The following FAM234A variants were observed in gnomAD, a reference collection of about 807,000 sequenced individuals.
FAM234A encodes the protein family with sequence similarity 234 member A.
A neutral mutation model predicts 49.1 loss-of-function variants in FAM234A; 42 were observed. That is an observed-to-expected ratio of 0.86 (90% CI 0.67 to 1.11). FAM234A has a LOEUF of 1.11. Ranked by LOEUF, FAM234A falls within the 50% of genes least tolerant of loss-of-function variation. The probability of loss-of-function intolerance (pLI) is 0.00; values close to 1 mark genes in which losing one functional copy is unlikely to be tolerated. For synonymous variants in FAM234A, 369 were observed against 316.2 expected, an observed-to-expected ratio of 1.17 and a Z score of -1.77; for missense variants, 815 against 745.2, an observed-to-expected ratio of 1.09 and a Z score of -1.09.
chr16:266,402 C>T (rs941011427), downstream of FAM234A, among the ~76,000 whole-genome samples: 11 of 152,176 alleles, frequency 7.2e-5, no homozygotes, highest in African/African-American at 1.9e-4. Context: ...GCCTCGGCAC[C>T]GCGTGACGTC....
In FAM234A at chr16:265,091, T is replaced by G; in HGVS notation, c.*69T>G. On this transcript the variant is annotated 3_prime_UTR_variant, in exon 13 of 13. Coordinates refer to ENST00000399932, the MANE Select transcript of FAM234A (RefSeq NM_032039.4). ...ACTAAACGTCCTGGGAAGTGGGCCC[T>G]TCCCTGGGTCTCTGCACTGACTCCC... 6.6e-7 allele frequency: 1 copy of G among 1,525,238 alleles called. No individual in the cohort carries two copies. The highest frequency in any genetic ancestry group is 8.8e-7 in the Non-Finnish European group (1 of 1,137,632). The allele number at this position is 1,525,238 out of a possible 1,614,324, so 94.5% of individuals were successfully genotyped here.
intron 1 of FAM234A, among the ~76,000 whole-genome samples, chr16:236,598 C>T (rs1269017462): frequency 6.9e-6 from 1 of 145,762 alleles, no homozygotes; most frequent in South Asian, 2.2e-4. Context: ...GCTCTGGAGA[C>T]ATAGCGAGAC....
chr16:261,916 C>T (rs757565214), intron 6 of FAM234A, among the ~76,000 whole-genome samples, 177 bp from the exon 7 acceptor site: 6 of 152,188 alleles, frequency 3.9e-5, no homozygotes, highest in Non-Finnish European at 5.9e-5. Context: ...GCCTGTGGGC[C>T]CCTTACCCTT....
intron 6 of FAM234A, among the ~76,000 whole-genome samples, chr16:261,840 A>C (rs2051479568): frequency 6.6e-6 from 1 of 152,200 alleles, no homozygotes; most frequent in Non-Finnish European, 1.5e-5. Flanking sequence ...TGCCCCGTGC[A>C]GTGTGGAGGC....
At chr16:260,233 C>T in intron 5 of FAM234A, 73 bp downstream of exon 5, 2 of 1,391,290 alleles carry the variant, frequency 1.4e-6, no homozygotes, top group South Asian at 2.4e-5. Flanking sequence ...GGGCTAATGC[C>T]AGGAGGCCGC....
intron 2 of FAM234A, among the ~76,000 whole-genome samples, chr16:250,685 A>T: frequency 6.6e-6 from 1 of 152,004 alleles, no homozygotes; most frequent in East Asian, 1.9e-4. Flanking sequence ...TCATCATCCC[A>T]CAAAGAAACC....
chr16:254,816 C>G (rs2051167603), intron 3 of FAM234A, 135 bp downstream of exon 3: 4 of 880,640 alleles, frequency 4.5e-6, no homozygotes, highest in East Asian at 4.9e-5. Context: ...GCTGCCAGTT[C>G]TATGTCCAAG....
At chr16:259,776 C>G (rs948133452) in intron 4 of FAM234A, among the ~76,000 whole-genome samples, 177 bp downstream of exon 4, 2 of 152,176 alleles carry the variant, frequency 1.3e-5, no homozygotes, top group African/African-American at 4.8e-5. Flanking sequence ...CCAGCACTGC[C>G]CTGGCCCCTG....
In FAM234A at chr16:264,577, T is replaced by C. The variant is rs747240130; in HGVS notation, c.1345-37T>C. 3 of 1,391,614 alleles carry C rather than the reference T, an allele frequency of 2.2e-6. No homozygotes were observed. The African/African-American group carries it at 4.3e-5, about 20-fold the overall frequency. 86.2% of individuals were successfully genotyped at this position (1,391,614 alleles called of 1,614,324 possible). A position where few individuals can be genotyped will look rare whatever the true frequency, so the allele number is the denominator to read the frequency against. ...AGCAGTGTCCTGTGGGAGTGCTCAG[T>C]GAAGGGCGTGGGGCCCATTGCTGGT... On this transcript the variant is annotated intron_variant, in intron 11 of 12. Transcript: ENST00000399932.
In FAM234A at chr16:261,507, G is replaced by T. The variant is rs73486203; in HGVS notation, c.701G>T (p.Arg234Leu). Reference sequence around the variant, plus strand: ...GACCTGCTGGTTCTCACCCAGGAGCGGGAGGAGGTACATCCCAGCCTGGCT... The same window carrying T: ...GACCTGCTGGTTCTCACCCAGGAGCTGGAGGAGGTACATCCCAGCCTGGCT... ...APDLLVLTQEREEVSGHLYSG... is the reference protein window; with the variant it reads ...APDLLVLTQELEEVSGHLYSG... Residue 234 changes from arginine (R) to leucine (L), a missense_variant, in exon 6 of 13, where the codon CGG becomes CTG. Transcript: ENST00000399932. 3 of 1,602,884 alleles carry T rather than the reference G, an allele frequency of 1.9e-6. No individual in the cohort carries two copies. Among genetic ancestry groups the T allele is most frequent in the Admixed American group, 1.7e-5 (1 of 58,564 alleles).
chr16:259,593 G>T lies in FAM234A; in HGVS notation c.379G>T (p.Asp127Tyr), dbSNP rs535395081. 1 of 1,587,014 alleles carries T rather than the reference G, an allele frequency of 6.3e-7. No homozygotes were observed. The highest frequency in any genetic ancestry group is 8.6e-7 in the Non-Finnish European group (1 of 1,156,578). The change falls in exon 4 of 13, where the codon GAC becomes TAC. Residue 127 changes from aspartate to tyrosine, a missense_variant. Asp to Tyr is a radical substitution (Grantham distance 160). Transcript: ENST00000399932. ...SSNNFSRSCV[D>Y]EGFSSPCTFA... ...CAACAATTTCAGCCGATCCTGTGTG[G>T]ACGAAGGTAATTTCATTTTATATGA...
At position 264,582 on chromosome 16, in the gene FAM234A, G is replaced by A; in HGVS notation, c.1345-32G>A. 2.8e-6 allele frequency: 4 copies of A among 1,433,224 alleles called. 1 individual carries two copies. The South Asian group carries it at 4.6e-5, about 16-fold the overall frequency. The allele number at this position is 1,433,224 out of a possible 1,614,324, so 88.8% of individuals were successfully genotyped here. A position where few individuals can be genotyped will look rare whatever the true frequency, so the allele number is the denominator to read the frequency against. ...TGTCCTGTGGGAGTGCTCAGTGAAG[G>A]GCGTGGGGCCCATTGCTGGTTCTCG... On this transcript the variant is annotated intron_variant, in intron 11 of 12. Transcript: ENST00000399932.
In FAM234A at chr16:260,123, C is replaced by T. The variant is rs2051399846; in HGVS notation, c.540C>T (p.Gly180=). 1.9e-6 allele frequency: 3 copies of T among 1,613,898 alleles called. No individual in the cohort carries two copies. The highest frequency in any genetic ancestry group is 2.5e-6 in the Non-Finnish European group (3 of 1,180,046). The change falls in exon 5 of 13, where the codon GGC becomes GGT. Residue 180 remains glycine, a synonymous_variant. Transcript: ENST00000399932. The part of the protein sequence containing the change: ...SEAPSACILV[G]RPSSFIAVNL... Reference sequence around the variant, plus strand: ...CACCTTCTGCCTGCATCCTGGTGGGCAGACCCAGTTCTTTCATTGCAGTCA... The same window carrying T: ...CACCTTCTGCCTGCATCCTGGTGGGTAGACCCAGTTCTTTCATTGCAGTCA...
At chr16:268,079 TACAC>T (rs772047088), downstream of FAM234A, among the ~76,000 whole-genome samples, 14 of 143,748 alleles carry the variant, frequency 9.7e-5, no homozygotes, top group Admixed American at 2.8e-4. Flanking sequence ...ATGCTATGCG[TACAC>T]ACACTTGTGC....
At chr16:266,502 G>T (rs2051697832), downstream of FAM234A, among the ~76,000 whole-genome samples, 2 of 152,152 alleles carry the variant, frequency 1.3e-5, no homozygotes, top group Non-Finnish European at 2.9e-5. Flanking sequence ...CCCAGGCAGG[G>T]GCTTCCCGGA....
At chr16:269,732 C>G (rs2051830822), downstream of FAM234A, 3 of 634,400 alleles carry the variant, frequency 4.7e-6, no homozygotes, top group East Asian at 8.3e-5. Flanking sequence ...CGCCTCGGAC[C>G]TGCCCAGACC....
At chr16:236,118 A>G (rs1318749828) in intron 1 of FAM234A, among the ~76,000 whole-genome samples, 3 of 151,574 alleles carry the variant, frequency 2.0e-5, no homozygotes, top group African/African-American at 7.3e-5. Flanking sequence ...ACACCCAGCT[A>G]ATTTTTTTTA....
At chr16:260,786 A>G (rs984990076) in intron 5 of FAM234A, 2 of 384,354 alleles carry the variant, frequency 5.2e-6, no homozygotes, top group Non-Finnish European at 1.1e-5. Context: ...CAGGCTGAAA[A>G]TATTTTAAGA....
Position 265,335 on chromosome 16 carries a change from G to A in FAM234A, c.*313G>A. The stretch of plus-strand genomic sequence containing the variant: ...GTGGTCTCCCTGGCCACCTTGGGCA[G>A]AGCTGGGTCATGCAGCACCCCATCC... On this transcript the variant is annotated 3_prime_UTR_variant, in exon 13 of 13. Coordinates refer to ENST00000399932, the MANE Select transcript of FAM234A (RefSeq NM_032039.4). The A allele has an allele frequency of 1.7e-6, 2 of 1,163,472 alleles. No individual in the cohort carries two copies. The highest frequency in any genetic ancestry group is 2.1e-6 in the Non-Finnish European group (2 of 940,998). 72.1% of individuals were successfully genotyped at this position (1,163,472 alleles called of 1,614,324 possible). A position where few individuals can be genotyped will look rare whatever the true frequency, so the allele number is the denominator to read the frequency against.
Sources: allele counts gnomAD v4.1 joint callset (sites outside exome capture counted in the v4.1 genomes callset), GRCh38; gene constraint gnomAD v4.1.1; transcripts MANE v1.5; gene names NCBI Gene and HGNC (gene_info 2026-07-23, HGNC 2026-07-21).